TAF1B: variants seen among roughly 807,000 people sequenced by gnomAD.
TAF1B encodes the protein TATA box-binding protein-associated factor RNA polymerase I subunit B.
A neutral mutation model predicts 83.9 loss-of-function variants in TAF1B; 61 were observed. The observed-to-expected ratio is 0.73, with a 90% CI of 0.59 to 0.90. The LOEUF is 0.90. TAF1B is among the 40% of genes least tolerant of loss of function. TAF1B has a pLI of 0.00. For missense variants in TAF1B, 625 were observed against 677.0 expected, an observed-to-expected ratio of 0.92 and a Z score of 0.85; for synonymous variants, 221 against 224.6, an observed-to-expected ratio of 0.98 and a Z score of 0.14.
chr2:9,920,248 C>A (rs549928484), intron 14 of TAF1B, among the ~76,000 whole-genome samples: 1 of 152,162 alleles, frequency 6.6e-6, no homozygotes, highest in African/African-American at 2.4e-5. Context: ...AATACTGATA[C>A]GATACCTTTA....
intron 4 of TAF1B, among the ~76,000 whole-genome samples, chr2:9,853,468 CT>C (rs1244360121): frequency 1.9e-4 from 28 of 146,578 alleles, no homozygotes; most frequent in Non-Finnish European, 2.0e-4. Flanking sequence ...TTTCTGTTTG[CT>C]TTTTTTTTTT....
rs572779442 is a variant in TAF1B at position 9,923,635 on chromosome 2, C to T, written c.1565+3815C>T. On this transcript the variant is annotated intron_variant, in intron 14 of 14. Transcript: ENST00000263663. ...TGGAGGTTGCAGTGAGCCGAGATCA[C>T]GCCATTGCACTCCAGCCTGGGCAAC... is the stretch of plus-strand genomic sequence containing the variant. Among the ~76,000 whole-genome samples the T allele has an allele frequency of 4.6e-5, 7 of 151,824 alleles. No individual in the cohort carries two copies. The South Asian group carries it at 1.0e-3, about 23-fold the overall frequency.
intron 8 of TAF1B, among the ~76,000 whole-genome samples, chr2:9,899,654 A>G (rs886708346): frequency 1.6e-5 from 2 of 122,368 alleles, no homozygotes; most frequent in African/African-American, 6.5e-5. Flanking sequence ...CAACCACAAT[A>G]TATTTTTGAA....
chr2:9,912,561 AGAT>A (rs1016563365), intron 11 of TAF1B, among the ~76,000 whole-genome samples: 3 of 152,376 alleles, frequency 2.0e-5, no homozygotes, highest in African/African-American at 7.2e-5. Flanking sequence ...TAATGCTAAA[AGAT>A]GATAATTTAC....
intron 14 of TAF1B, among the ~76,000 whole-genome samples, chr2:9,932,029 G>A (rs1666229435): frequency 1.3e-5 from 2 of 152,162 alleles, no homozygotes; most frequent in Admixed American, 6.5e-5. Flanking sequence ...ATCATTTAAG[G>A]TCTTCTCTAC....
At chr2:9,899,369 A>G (rs181471401) in intron 8 of TAF1B, among the ~76,000 whole-genome samples, 7 of 152,338 alleles carry the variant, frequency 4.6e-5, no homozygotes, top group Non-Finnish European at 1.0e-4. Context: ...AGGCTGGATA[A>G]TATTCTATGA....
chr2:9,909,583 A>G (rs1482946499), intron 9 of TAF1B, among the ~76,000 whole-genome samples: 1 of 152,152 alleles, frequency 6.6e-6, no homozygotes, highest in African/African-American at 2.4e-5. Flanking sequence ...AGAGCAGGGG[A>G]ATACGATGAT....
At chr2:9,900,233 A>G (rs1665142770) in intron 8 of TAF1B, among the ~76,000 whole-genome samples, 1 of 152,212 alleles carries the variant, frequency 6.6e-6, no homozygotes, top group African/African-American at 2.4e-5. Context: ...CCAGATTTTC[A>G]TTTTGTAATC....
chr2:9,885,750 CCCA>C (rs200683146), intron 8 of TAF1B, among the ~76,000 whole-genome samples: 6,674 of 151,868 alleles, frequency 0.044, 187 homozygotes, highest in Non-Finnish European at 0.066. Flanking sequence ...CACGCCCCCC[CCCA>C]CTTTGTCCTT....
intron 7 of TAF1B, among the ~76,000 whole-genome samples, chr2:9,876,749 T>G (rs2125151654): frequency 6.6e-6 from 1 of 152,324 alleles, no homozygotes; most frequent in East Asian, 1.9e-4. Flanking sequence ...TATATGACCT[T>G]GAGTAAGTCA....
intron 5 of TAF1B, among the ~76,000 whole-genome samples, chr2:9,860,143 C>T (rs1663704936): frequency 6.6e-6 from 1 of 152,160 alleles, no homozygotes; most frequent in Non-Finnish European, 1.5e-5. Context: ...CCCCCATGAT[C>T]CAGTCACCTC....
intron 14 of TAF1B, among the ~76,000 whole-genome samples, chr2:9,921,234 C>T (rs939338566): frequency 3.3e-5 from 5 of 152,070 alleles, no homozygotes; most frequent in Admixed American, 1.3e-4. Flanking sequence ...TGGAACTACA[C>T]GTGTGCACCA....
intron 12 of TAF1B, among the ~76,000 whole-genome samples, chr2:9,918,784 G>T (rs1017168638): frequency 3.3e-5 from 5 of 152,184 alleles, no homozygotes; most frequent in African/African-American, 9.7e-5. Context: ...TATGTTTTTT[G>T]TATAATTAAT....
At position 9,910,091 on chromosome 2, in the gene TAF1B, C is replaced by T. The variant is rs1665475708; in HGVS notation, c.956-645C>T. On this transcript the variant is annotated intron_variant, in intron 9 of 14. Coordinates refer to ENST00000263663, the MANE Select transcript of TAF1B (RefSeq NM_005680.3). ...GTACAGAAATTTTTTGTTTAGTTTT[C>T]AAAGTCTATTCACTTGAACATAACC... 2.6e-5 allele frequency among the ~76,000 whole-genome samples: 4 copies of T among 152,154 alleles called. No individual in the cohort carries two copies. The South Asian group carries it at 8.3e-4, about 32-fold the overall frequency.
At chr2:9,845,079 T>A (rs1663160439) in intron 1 of TAF1B, 141 bp from the exon 2 acceptor site, 2 of 502,140 alleles carry the variant, frequency 4.0e-6, no homozygotes, top group Non-Finnish European at 7.0e-6. Context: ...TTGCGGATAA[T>A]CTCTCTGACA....
chr2:9,882,290 G>T (rs1423575307), intron 7 of TAF1B, among the ~76,000 whole-genome samples: 1 of 152,082 alleles, frequency 6.6e-6, no homozygotes, highest in Non-Finnish European at 1.5e-5. Flanking sequence ...AATAGAGACG[G>T]GGTTTCACCA....
intron 8 of TAF1B, among the ~76,000 whole-genome samples, chr2:9,883,944 T>C (rs1024330238): frequency 2.6e-5 from 4 of 152,244 alleles, no homozygotes; most frequent in African/African-American, 9.6e-5. Context: ...GGTGGCATCT[T>C]TGCCCAAGTT....
chr2:9,927,368 T>A (rs1296862383), intron 14 of TAF1B, among the ~76,000 whole-genome samples: 1 of 152,232 alleles, frequency 6.6e-6, no homozygotes, highest in Non-Finnish European at 1.5e-5. Flanking sequence ...TGATTTATAA[T>A]CCTTTGGGTA....
intron 14 of TAF1B, among the ~76,000 whole-genome samples, chr2:9,923,102 G>A (rs1665926889): frequency 6.6e-6 from 1 of 151,882 alleles, no homozygotes; most frequent in Non-Finnish European, 1.5e-5. Flanking sequence ...AATTAGCCGG[G>A]TGTGGTGGTG....
Sources: allele counts gnomAD v4.1 joint callset (sites outside exome capture counted in the v4.1 genomes callset), GRCh38; gene constraint gnomAD v4.1.1; transcripts MANE v1.5; gene names NCBI Gene and HGNC (gene_info 2026-07-23, HGNC 2026-07-21).